ZNF532: variants seen among roughly 807,000 people sequenced by gnomAD.
The protein encoded by ZNF532 is zinc finger protein 532.
ZNF532 carries 22 observed loss-of-function variants against 89.3 expected under a neutral mutation model. The ratio of observed to expected loss-of-function variants is 0.25; its 90% CI spans 0.18 to 0.35. The LOEUF is 0.35. ZNF532 is among the 10% of genes least tolerant of loss of function. ZNF532 has a pLI of 1.00. For synonymous variants in ZNF532, 606 were observed against 649.6 expected, an observed-to-expected ratio of 0.93 and a Z score of 1.02; for missense variants, 1,132 against 1,643.4, an observed-to-expected ratio of 0.69 and a Z score of 5.38.
intron 7 of ZNF532, among the ~76,000 whole-genome samples, chr18:58,957,479 C>T (rs894890865): frequency 1.5e-4 from 22 of 149,368 alleles, no homozygotes; most frequent in Middle Eastern, 3.4e-3. Flanking sequence ...ATTCTGCCAA[C>T]CACAGTACAG....
chr18:58,864,170 CCA>C (rs927144702), upstream of ZNF532: 2 of 152,540 alleles, frequency 1.3e-5, no homozygotes, highest in Non-Finnish European at 2.9e-5. Context: ...CCAGACAGCC[CCA>C]GTTTTCTTCC....
At position 58,888,771 on chromosome 18, in the gene ZNF532, A is replaced by AT. The variant is rs1159291497; in HGVS notation, c.-18+23195dup. On this transcript the variant is annotated intron_variant, in intron 2 of 9. Transcript: ENST00000591808. ...TATATATATAAAATTAATATATATA[A>AT]TTTATATATATATAAAATATATATA... is the stretch of plus-strand genomic sequence containing the variant. 4.3e-3 allele frequency among the ~76,000 whole-genome samples: 265 copies of AT among 61,526 alleles called. 19 individuals are homozygous for AT. Among genetic ancestry groups the AT allele is most frequent in the African/African-American group, 0.02 (208 of 10,520 alleles). 40.4% of individuals were successfully genotyped at this position (61,526 alleles called of 152,430 possible).
chr18:58,888,771 ATTT>A lies in ZNF532; in HGVS notation c.-18+23193_-18+23195del, dbSNP rs2058563589. Reference sequence around the variant, plus strand: ...TATATATATAAAATTAATATATATAATTTATATATATATAAAATATATATAATT... The same window carrying A: ...TATATATATAAAATTAATATATATAAATATATATATAAAATATATATAATT... On this transcript the variant is annotated intron_variant, in intron 2 of 9. Coordinates refer to ENST00000591808, the MANE Select transcript of ZNF532 (RefSeq NM_001375912.1). 2.9e-3 allele frequency among the ~76,000 whole-genome samples: 177 copies of A among 61,464 alleles called. 5 individuals carry two copies. The highest frequency in any genetic ancestry group is 0.016 in the East Asian group (18 of 1,124). 40.3% of individuals were successfully genotyped at this position (61,464 alleles called of 152,430 possible).
At chr18:58,920,765 TG>T in intron 3 of ZNF532, 132 bp downstream of exon 3, 2 of 649,152 alleles carry the variant, frequency 3.1e-6, no homozygotes, top group Non-Finnish European at 5.1e-6. Context: ...TGTGTGTGTG[TG>T]TGTGTGTGTG....
At chr18:58,958,841 G>C (rs2065048067) in intron 7 of ZNF532, among the ~76,000 whole-genome samples, 1 of 152,188 alleles carries the variant, frequency 6.6e-6, no homozygotes, top group African/African-American at 2.4e-5. Flanking sequence ...TCCCAGCCGT[G>C]AGCCTTTCCT....
chr18:58,903,000 T>A (rs1273834503), intron 2 of ZNF532, among the ~76,000 whole-genome samples: 1 of 152,216 alleles, frequency 6.6e-6, no homozygotes, highest in Non-Finnish European at 1.5e-5. Context: ...TTCTCAAGAA[T>A]ATTAATTTAG....
intron 7 of ZNF532, among the ~76,000 whole-genome samples, chr18:58,978,055 G>A (rs1479148010): frequency 6.6e-6 from 1 of 152,150 alleles, no homozygotes; most frequent in African/African-American, 2.4e-5. Context: ...CAAAGAATTT[G>A]TTTTACGCCA....
At chr18:58,959,265 T>TTGG (rs1555752610) in intron 7 of ZNF532, among the ~76,000 whole-genome samples, 2 of 146,510 alleles carry the variant, frequency 1.4e-5, no homozygotes, top group African/African-American at 5.3e-5. Context: ...TTTTTGTTTT[T>TTGG]TTTTGTTTTT....
intron 6 of ZNF532, among the ~76,000 whole-genome samples, chr18:58,951,089 G>T (rs1046106592): frequency 6.6e-6 from 1 of 152,054 alleles, no homozygotes; most frequent in Non-Finnish European, 1.5e-5. Context: ...CCGAATAGCT[G>T]AGACTACAGG....
In ZNF532 at chr18:58,918,764, C is replaced by T. The variant is rs1330104730; in HGVS notation, c.477C>T (p.Phe159=). ...ACAAGGAGGACATGCGATCAAGCTT[C>T]AGGTCGAATGTGTTGACGGGGTCGG... ...PPDKEDMRSS[F]RSNVLTGSAP... is the part of the protein sequence containing the mutation. The change falls in exon 3 of 10, where the codon TTC becomes TTT. Residue 159 remains phenylalanine (F), a synonymous_variant. Transcript: ENST00000591808. 2.5e-6 allele frequency: 4 copies of T among 1,614,168 alleles called. No individual in the cohort carries two copies. In the South Asian group the frequency reaches 3.3e-5, roughly 13 times the overall value.
At chr18:58,983,912 T>C in intron 9 of ZNF532, 60 bp from the exon 10 acceptor site, 2 of 1,545,044 alleles carry the variant, frequency 1.3e-6, no homozygotes, top group Non-Finnish European at 1.7e-6. Context: ...GAACCGATCA[T>C]TTATCAACCA....
At chr18:58,920,734 AC>A in intron 3 of ZNF532, 101 bp downstream of exon 3, 6 of 486,994 alleles carry the variant, frequency 1.2e-5, no homozygotes, top group East Asian at 9.9e-5. Context: ...AGTGAAATGG[AC>A]GTGTGTGTGT....
At chr18:58,927,814 T>G (rs2061649007) in intron 3 of ZNF532, among the ~76,000 whole-genome samples, 1 of 152,214 alleles carries the variant, frequency 6.6e-6, no homozygotes, top group Non-Finnish European at 1.5e-5. Flanking sequence ...CCCCAATCTC[T>G]GTTTTTGCAA....
chr18:58,962,536 G>A (rs1366974072), intron 7 of ZNF532, among the ~76,000 whole-genome samples: 4 of 152,068 alleles, frequency 2.6e-5, no homozygotes, highest in Admixed American at 6.5e-5. Context: ...GAGAGCCTAC[G>A]GCCCAGCACA....
intron 9 of ZNF532, 44 bp downstream of exon 9, chr18:58,981,661 C>A (rs1003003127): frequency 5.6e-6 from 9 of 1,607,378 alleles, no homozygotes; most frequent in Non-Finnish European, 7.6e-6. Flanking sequence ...ATTGTGTTGA[C>A]TTGCTTTTCC....
intron 6 of ZNF532, among the ~76,000 whole-genome samples, chr18:58,951,645 T>TGTTTTTTTTTTTGG (rs149689468): frequency 1.1e-5 from 1 of 88,934 alleles, no homozygotes; most frequent in Non-Finnish European, 2.0e-5. Context: ...CTCGCCCTGT[T>TGTTTTTTTTTTTGG]GTTTTTTTTT....
intron 2 of ZNF532, among the ~76,000 whole-genome samples, chr18:58,893,133 C>T (rs1364261275): frequency 1.3e-5 from 2 of 151,986 alleles, no homozygotes; most frequent in Non-Finnish European, 2.9e-5. Flanking sequence ...CGTGTGCCAC[C>T]GCACCCAGCT....
intron 8 of ZNF532, chr18:58,979,408 G>A (rs2067454037): frequency 8.3e-6 from 2 of 240,110 alleles, no homozygotes; most frequent in Admixed American, 5.1e-5. Flanking sequence ...TTTTTCCCGA[G>A]ACGGAGTCTC....
chr18:58,912,491 A>G (rs1234960704), intron 2 of ZNF532, among the ~76,000 whole-genome samples: 1 of 152,196 alleles, frequency 6.6e-6, no homozygotes, highest in Non-Finnish European at 1.5e-5. Context: ...GAGAGGGGGC[A>G]GAGTGTGATC....
Sources: gnomAD v4.1 joint callset for allele counts (sites outside exome capture counted in the v4.1 genomes callset) on GRCh38, gnomAD v4.1.1 for gene constraint, MANE v1.5 for transcripts, NCBI Gene and HGNC (gene_info 2026-07-23, HGNC 2026-07-21) for gene names.